CHST11: variants seen among roughly 807,000 people sequenced by gnomAD.
The protein encoded by CHST11 is C4S-1.
A neutral mutation model predicts 30.4 loss-of-function variants in CHST11; 9 were observed. That is an observed-to-expected ratio of 0.30 (90% confidence interval 0.18 to 0.52). The LOEUF is 0.52. Among genes scored for constraint, CHST11 ranks in the 20% least tolerant of loss-of-function variants. CHST11 has a pLI of 0.97. For missense variants in CHST11, 348 were observed against 460.6 expected, an observed-to-expected ratio of 0.76 and a Z score of 2.24; for synonymous variants, 152 against 187.8, an observed-to-expected ratio of 0.81 and a Z score of 1.56.
At chr12:104,589,453 G>T (rs2038836803) in intron 1 of CHST11, among the ~76,000 whole-genome samples, 1 of 151,854 alleles carries the variant, frequency 6.6e-6, no homozygotes, top group East Asian at 1.9e-4. Flanking sequence ...TAGAATGGGG[G>T]TTACCAGGGA....
At chr12:104,681,308 CATT>C (rs1212211383) in intron 2 of CHST11, among the ~76,000 whole-genome samples, 1 of 152,122 alleles carries the variant, frequency 6.6e-6, no homozygotes, top group Non-Finnish European at 1.5e-5. Context: ...ACCTCAAAAA[CATT>C]ATGCTAAGTG....
At chr12:104,732,603 T>C (rs893127084) in intron 2 of CHST11, among the ~76,000 whole-genome samples, 2 of 152,194 alleles carry the variant, frequency 1.3e-5, no homozygotes, top group African/African-American at 4.8e-5. Flanking sequence ...GTGCCTGTCA[T>C]GCACAGCACT....
intron 1 of CHST11, among the ~76,000 whole-genome samples, chr12:104,550,507 A>C (rs2038394844): frequency 1.3e-5 from 2 of 152,206 alleles, no homozygotes; most frequent in African/African-American, 4.8e-5. Flanking sequence ...GCAGTTGTAG[A>C]GTGAAAGCAT....
At chr12:104,463,327 T>A (rs550912682) in intron 1 of CHST11, among the ~76,000 whole-genome samples, 1 of 152,316 alleles carries the variant, frequency 6.6e-6, no homozygotes, top group Non-Finnish European at 1.5e-5. Flanking sequence ...GACACCACCT[T>A]TATAACAAAT....
chr12:104,482,820 C>T (rs939478487), intron 1 of CHST11, among the ~76,000 whole-genome samples: 4 of 152,118 alleles, frequency 2.6e-5, no homozygotes, highest in African/African-American at 7.2e-5. Flanking sequence ...GTGCATCCCC[C>T]CACTTAAGAC....
intron 1 of CHST11, among the ~76,000 whole-genome samples, chr12:104,597,601 C>G (rs2038918884): frequency 6.6e-6 from 1 of 152,094 alleles, no homozygotes; most frequent in East Asian, 1.9e-4. Context: ...TTTTGAGTAC[C>G]TACTACGTGC....
chr12:104,531,598 A>G (rs1233020251), intron 1 of CHST11, among the ~76,000 whole-genome samples: 2 of 152,078 alleles, frequency 1.3e-5, no homozygotes, highest in Non-Finnish European at 2.9e-5. Context: ...TCTTCTTTTC[A>G]GTCCCTGTGG....
intron 2 of CHST11, among the ~76,000 whole-genome samples, chr12:104,681,473 T>C (rs147621783): frequency 2.6e-5 from 4 of 152,312 alleles, no homozygotes; most frequent in African/African-American, 9.6e-5. Context: ...GATAAATATA[T>C]TCTAAAATTA....
At chr12:104,479,510 G>A (rs773408765) in intron 1 of CHST11, among the ~76,000 whole-genome samples, 16 of 152,198 alleles carry the variant, frequency 1.1e-4, no homozygotes, top group Non-Finnish European at 1.6e-4. Flanking sequence ...TGGTGTGGCC[G>A]GGATCACATG....
At chr12:104,465,794 A>G (rs1284391672) in intron 1 of CHST11, among the ~76,000 whole-genome samples, 3 of 152,156 alleles carry the variant, frequency 2.0e-5, no homozygotes, top group Non-Finnish European at 4.4e-5. Context: ...TTGTCTCCCA[A>G]ATCTCTTTGC....
At chr12:104,627,821 TAGC>T (rs1203993932) in intron 2 of CHST11, among the ~76,000 whole-genome samples, 1 of 152,118 alleles carries the variant, frequency 6.6e-6, no homozygotes, top group Non-Finnish European at 1.5e-5. Context: ...ATGACAGAAT[TAGC>T]AGGTGGTGGG....
chr12:104,614,062 G>A (rs1224673468), intron 2 of CHST11, among the ~76,000 whole-genome samples: 1 of 152,200 alleles, frequency 6.6e-6, no homozygotes, highest in Non-Finnish European at 1.5e-5. Context: ...CACGAAAAAT[G>A]ATAACTATGT....
At chr12:104,617,254 G>A (rs1416097079) in intron 2 of CHST11, among the ~76,000 whole-genome samples, 2 of 152,156 alleles carry the variant, frequency 1.3e-5, no homozygotes, top group Non-Finnish European at 2.9e-5. Flanking sequence ...AGAGGATAGG[G>A]TCCCCTGGGT....
chr12:104,590,921 T>TAA (rs879619495), intron 1 of CHST11, among the ~76,000 whole-genome samples: 1 of 143,786 alleles, frequency 7.0e-6, no homozygotes. Flanking sequence ...GACCCTGTCT[T>TAA]AAAAAAAAAA....
chr12:104,553,300 C>T (rs1036359196), intron 1 of CHST11: 3 of 152,158 alleles, frequency 2.0e-5, no homozygotes, highest in Admixed American at 2.0e-4. Context: ...TCAGGGAGGG[C>T]TTCACATACG....
intron 1 of CHST11, among the ~76,000 whole-genome samples, chr12:104,589,235 TA>T (rs558795617): frequency 1.1e-3 from 161 of 151,464 alleles, no homozygotes; most frequent in Non-Finnish European, 1.8e-3. Flanking sequence ...CCCATCTCTA[TA>T]AAAAAAATTC....
chr12:104,536,345 A>G (rs562951677), intron 1 of CHST11, among the ~76,000 whole-genome samples: 15 of 152,232 alleles, frequency 9.9e-5, no homozygotes, highest in Non-Finnish European at 2.1e-4. Flanking sequence ...AGAACTGCCC[A>G]TGAGTCGATG....
intron 2 of CHST11, among the ~76,000 whole-genome samples, chr12:104,615,130 C>G (rs10507177): frequency 3.3e-5 from 5 of 151,978 alleles, no homozygotes; most frequent in African/African-American, 4.8e-5. Flanking sequence ...CGAAGCTGAC[C>G]GTCCTTGGAA....
chr12:104,756,351 G>A (rs2040474368), intron 2 of CHST11, among the ~76,000 whole-genome samples: 1 of 152,152 alleles, frequency 6.6e-6, no homozygotes, highest in South Asian at 2.1e-4. Flanking sequence ...CCTTTGGGGA[G>A]AAACTTTTGC....
Sources: allele counts gnomAD v4.1 joint callset (sites outside exome capture counted in the v4.1 genomes callset), GRCh38; gene constraint gnomAD v4.1.1; transcripts MANE v1.5; gene names NCBI Gene and HGNC (gene_info 2026-07-23, HGNC 2026-07-21).